Variants in PCMT1 observed in about 807,000 individuals in gnomAD.
PCMT1 encodes the protein protein-L-isoaspartate(D-aspartate) O-methyltransferase.
In PCMT1, 9 loss-of-function variants were observed where a neutral mutation model predicts 29.2. The ratio of observed to expected loss-of-function variants is 0.31; its 90% CI spans 0.19 to 0.54. The LOEUF is 0.54. PCMT1 is among the 20% of genes least tolerant of loss of function. PCMT1 has a pLI of 0.95. For synonymous variants in PCMT1, 98 were observed against 97.5 expected (o/e 1.00, Z -0.03); for missense variants, 184 against 282.2 (o/e 0.65, Z 2.49).
intron 1 of PCMT1, among the ~76,000 whole-genome samples, chr6:149,751,357 A>G (rs527497229): frequency 6.6e-6 from 1 of 152,212 alleles, no homozygotes; most frequent in South Asian, 2.1e-4. Flanking sequence ...CTAAGAATTT[A>G]ACAGTCATCC....
At position 149,753,298 on chromosome 6, in the gene PCMT1, C is replaced by T. The variant is rs9479882; in HGVS notation, c.55+3342C>T. On this transcript the variant is annotated intron_variant, in intron 1 of 7. Transcript: ENST00000464889. ...GTGTTGATGTTGAAATGAAAAGGGG[C>T]CTGCTTACTAGAAGGGGAAGGAAAT... Among the ~76,000 whole-genome samples, 796 of 151,548 alleles carry T rather than the reference C, an allele frequency of 5.3e-3. 6 individuals are homozygous for T. The highest frequency in any genetic ancestry group is 0.019 in the African/African-American group (769 of 41,366).
At chr6:149,795,443 TA>T (rs1357110529) in intron 5 of PCMT1, 1 of 402,144 alleles carries the variant, frequency 2.5e-6, no homozygotes, top group Non-Finnish European at 4.8e-6. Context: ...TATAAGAACA[TA>T]AGAACAAATA....
chr6:149,762,235 TGTA>T (rs1786771097), intron 1 of PCMT1, among the ~76,000 whole-genome samples: 1 of 151,918 alleles, frequency 6.6e-6, no homozygotes, highest in African/African-American at 2.4e-5. Context: ...TGGATTCTAT[TGTA>T]GTCTCCTTTT....
rs750695511 is a variant in PCMT1, at chr6:149,793,624, A to G, written c.373A>G (p.Lys125Glu). The change falls in exon 5 of 8, where the codon AAG becomes GAG. Residue 125 changes from lysine (K) to glutamate (E), a missense_variant. Coordinates refer to ENST00000464889, the MANE Select transcript of PCMT1 (RefSeq NM_001360452.2). The stretch of plus-strand genomic sequence containing the variant: ...AGATGACTCAGTAAATAATGTCAGG[A>G]AGGACGATCCAACACTTCTGTCTTC... ...LVDDSVNNVRKDDPTLLSSGR... is the reference protein window; with the variant it reads ...LVDDSVNNVREDDPTLLSSGR... The G allele has an allele frequency of 5.7e-6, 9 of 1,569,320 alleles. No individual in the cohort carries two copies. The highest frequency in any genetic ancestry group is 1.7e-4 in the Middle Eastern group (1 of 5,988).
At chr6:149,768,090 G>A (rs568467322) in intron 1 of PCMT1, among the ~76,000 whole-genome samples, 244 of 150,372 alleles carry the variant, frequency 1.6e-3, no homozygotes, top group Middle Eastern at 3.5e-3. Flanking sequence ...CACCATGCCC[G>A]ACCTGTTTGT....
At chr6:149,795,757 T>C (rs1184941951) in intron 5 of PCMT1, 1 of 183,456 alleles carries the variant, frequency 5.5e-6, no homozygotes, top group African/African-American at 2.4e-5. Context: ...GTACTATATC[T>C]TAAGTTAACT....
chr6:149,805,316 G>A (rs917236309), intron 7 of PCMT1, among the ~76,000 whole-genome samples: 2 of 152,166 alleles, frequency 1.3e-5, no homozygotes, highest in African/African-American at 4.8e-5. Context: ...CTTTTAGGCT[G>A]GGCGCAGTGG....
chr6:149,775,676 C>T (rs962607602), intron 3 of PCMT1, among the ~76,000 whole-genome samples: 1 of 152,112 alleles, frequency 6.6e-6, no homozygotes, highest in African/African-American at 2.4e-5. Flanking sequence ...CTACTGCACT[C>T]CAGCCTGGTT....
chr6:149,793,776 ATCACTTTTAAGTACT>A, intron 5 of PCMT1, 107 bp downstream of exon 5: 1 of 999,964 alleles, frequency 1.0e-6, no homozygotes, highest in Non-Finnish European at 1.4e-6. Flanking sequence ...TTTTTTTACA[ATCACTTTTAAGTACT>A]AAAAAATAAA....
chr6:149,762,956 G>GTATATCTATGATATATATGATATA (rs746165125), intron 1 of PCMT1, among the ~76,000 whole-genome samples: 1,161 of 40,872 alleles, frequency 0.028, 194 homozygotes, highest in Middle Eastern at 0.048. Flanking sequence ...TCTATGATAT[G>GTATATCTATGATATATATGATATA]TATATCTATG....
intron 7 of PCMT1, among the ~76,000 whole-genome samples, chr6:149,805,833 C>A (rs1041895684): frequency 6.6e-6 from 1 of 150,872 alleles, no homozygotes; most frequent in Admixed American, 6.6e-5. Flanking sequence ...TCCAGCTACT[C>A]GGGAGGCTGA....
At chr6:149,765,463 A>G (rs1161978983) in intron 1 of PCMT1, among the ~76,000 whole-genome samples, 1 of 150,772 alleles carries the variant, frequency 6.6e-6, no homozygotes, top group Admixed American at 6.6e-5. Context: ...AATATTTTCT[A>G]TTTGGGTAAT....
rs1448079576 is a variant in PCMT1, at chr6:149,763,108, CTATGATATGTATATCTATGATATA to C, written c.56-8045_56-8022del. On this transcript the variant is annotated intron_variant, in intron 1 of 7. Transcript: ENST00000464889. Reference sequence around the variant, plus strand: ...TCTATGATATATATGATATATATATCTATGATATGTATATCTATGATATATATGATATATATATCTATGATATAT... The same window carrying C: ...TCTATGATATATATGATATATATATCTATGATATATATATCTATGATATAT... 3.5e-3 allele frequency among the ~76,000 whole-genome samples: 225 copies of C among 63,550 alleles called. 57 individuals are homozygous for C. Among genetic ancestry groups the C allele is most frequent in the Admixed American group, 5.1e-3 (20 of 3,954 alleles). 41.7% of individuals were successfully genotyped at this position (63,550 alleles called of 152,430 possible). A position where few individuals can be genotyped will look rare whatever the true frequency, so the allele number is the denominator to read the frequency against.
At chr6:149,772,503 A>G in intron 2 of PCMT1, 1 of 430,022 alleles carries the variant, frequency 2.3e-6, no homozygotes, top group Non-Finnish European at 4.5e-6. Context: ...TGAAGTAAAA[A>G]CAAGCCAAAA....
intron 4 of PCMT1, among the ~76,000 whole-genome samples, chr6:149,790,604 C>T (rs189752188): frequency 1.3e-5 from 2 of 150,628 alleles, no homozygotes; most frequent in East Asian, 3.9e-4. Flanking sequence ...GGTGCAGGGA[C>T]CCTGGGTAGG....
rs554482078 is a variant in PCMT1 at position 149,771,637 on chromosome 6, C to T, written c.160+371C>T. 3.4e-3 allele frequency among the ~76,000 whole-genome samples: 524 copies of T among 152,290 alleles called. 1 individual carries two copies. Among genetic ancestry groups the T allele is most frequent in the Non-Finnish European group, 5.4e-3 (367 of 68,034 alleles). On this transcript the variant is annotated intron_variant, in intron 2 of 7. Transcript: ENST00000464889. ...GTTCAAGCAGTTTTCCTGCCTTAACCTCCCGAGTAGCTGGGATTACAGGTG... is the reference window on the plus strand; with the variant it reads ...GTTCAAGCAGTTTTCCTGCCTTAACTTCCCGAGTAGCTGGGATTACAGGTG...
intron 1 of PCMT1, among the ~76,000 whole-genome samples, chr6:149,766,742 C>T (rs1787102449): frequency 6.6e-6 from 1 of 152,170 alleles, no homozygotes; most frequent in Non-Finnish European, 1.5e-5. Flanking sequence ...TAGAATGTTT[C>T]TTTCACCCAA....
rs142120497 is a variant in PCMT1, at chr6:149,764,634, G to A, written c.56-6528G>A. On this transcript the variant is annotated intron_variant, in intron 1 of 7. Transcript: ENST00000464889. Reference sequence around the variant, plus strand: ...ATGCACATGTAGGCCTAGGTGTTGGGGTGGCTAAGGCAGGAAGAGCACTGG... The same window carrying A: ...ATGCACATGTAGGCCTAGGTGTTGGAGTGGCTAAGGCAGGAAGAGCACTGG... Among the ~76,000 whole-genome samples, 445 of 152,140 alleles carry A rather than the reference G, an allele frequency of 2.9e-3. 1 individual carries two copies. The highest frequency in any genetic ancestry group is 0.01 in the African/African-American group (421 of 41,492).
At chr6:149,805,172 C>T (rs974833191) in intron 7 of PCMT1, among the ~76,000 whole-genome samples, 12 of 152,128 alleles carry the variant, frequency 7.9e-5, no homozygotes, top group African/African-American at 1.9e-4. Flanking sequence ...AGCCCAGAAG[C>T]GGCAGTGAGC....
Sources: allele counts gnomAD v4.1 joint callset (sites outside exome capture counted in the v4.1 genomes callset), GRCh38; gene constraint gnomAD v4.1.1; transcripts MANE v1.5; gene names NCBI Gene and HGNC (gene_info 2026-07-23, HGNC 2026-07-21).